Variants in EML6 observed in about 807,000 individuals in gnomAD.
The protein encoded by EML6 is echinoderm microtubule-associated protein-like 6.
EML6 carries 154 observed loss-of-function variants against 240.1 expected under a neutral mutation model. The ratio of observed to expected loss-of-function variants is 0.64; its 90% CI spans 0.56 to 0.73. The LOEUF is 0.73. EML6 is among the 30% of genes least tolerant of loss of function. The probability of loss-of-function intolerance (pLI) is 0.00; values close to 1 mark genes in which losing one functional copy is unlikely to be tolerated. For missense variants in EML6, 2,964 were observed against 2,474.6 expected, an observed-to-expected ratio of 1.20 and a Z score of -4.20; for synonymous variants, 1,148 against 899.0, an observed-to-expected ratio of 1.28 and a Z score of -4.95.
chr2:54,730,262 A>T, intron 2 of EML6, among the ~76,000 whole-genome samples: 1 of 152,250 alleles, frequency 6.6e-6, no homozygotes, highest in East Asian at 1.9e-4. Context: ...AAATTGTGAC[A>T]TGGCTCAAAT....
At chr2:54,921,087 C>G (rs1674225942) in intron 26 of EML6, among the ~76,000 whole-genome samples, 1 of 151,790 alleles carries the variant, frequency 6.6e-6, no homozygotes, top group East Asian at 1.9e-4. Flanking sequence ...AGATAAGGAA[C>G]AAGACAAGGA....
chr2:54,945,816 A>G (rs905410559), intron 28 of EML6, among the ~76,000 whole-genome samples: 3 of 152,210 alleles, frequency 2.0e-5, no homozygotes, highest in Non-Finnish European at 4.4e-5. Flanking sequence ...GACTCCCCAC[A>G]TCTTTAGTTG....
chr2:54,818,431 C>T (rs1264177628), intron 4 of EML6, among the ~76,000 whole-genome samples: 2 of 152,142 alleles, frequency 1.3e-5, no homozygotes, highest in Non-Finnish European at 2.9e-5. Context: ...GGCAGGCTGC[C>T]ATCTATTCAG....
intron 2 of EML6, among the ~76,000 whole-genome samples, chr2:54,792,919 G>A (rs950139437): frequency 7.2e-5 from 11 of 152,124 alleles, no homozygotes; most frequent in Admixed American, 1.3e-4. Flanking sequence ...GCAAAAAAAA[G>A]AAATGATTTT....
intron 5 of EML6, among the ~76,000 whole-genome samples, chr2:54,822,511 AG>A (rs1225953431): frequency 1.3e-5 from 2 of 152,166 alleles, no homozygotes; most frequent in East Asian, 3.8e-4. Context: ...AAACCACTTA[AG>A]TGTCTCTAGG....
chr2:54,850,189 C>T lies in EML6; in HGVS notation c.1415C>T (p.Ala472Val). The part of the protein sequence containing the change: ...DSKYLQTNDG[A>V]GERLFYRMPS... Reference sequence around the variant, plus strand: ...AAATACTTACAAACTAATGACGGTGCAGGAGAACGATTGTTCTACAGAATG... The same window carrying T: ...AAATACTTACAAACTAATGACGGTGTAGGAGAACGATTGTTCTACAGAATG... Residue 472 changes from alanine (A) to valine (V), a missense_variant, in exon 10 of 42, where the codon GCA becomes GTA. Ala to Val is a moderately conservative substitution (Grantham distance 64, BLOSUM62 0). Coordinates refer to ENST00000356458, the MANE Select transcript of EML6 (RefSeq NM_001039753.4). 1 of 1,551,632 alleles carries T rather than the reference C, an allele frequency of 6.4e-7. No homozygotes were observed. Among genetic ancestry groups the T allele is most frequent in the Non-Finnish European group, 8.7e-7 (1 of 1,146,920 alleles).
chr2:54,890,523 A>G (rs1672409556), intron 17 of EML6, among the ~76,000 whole-genome samples: 1 of 152,172 alleles, frequency 6.6e-6, no homozygotes, highest in Non-Finnish European at 1.5e-5. Context: ...TCGAATCAAT[A>G]GAAGACATCC....
At chr2:54,741,917 T>G (rs1683655516) in intron 2 of EML6, among the ~76,000 whole-genome samples, 1 of 152,142 alleles carries the variant, frequency 6.6e-6, no homozygotes, top group South Asian at 2.1e-4. Context: ...CTATAACTAG[T>G]GATGAAGTTT....
At position 54,961,184 on chromosome 2, in the gene EML6, G is replaced by GTTGTTTTTTTTTTGTTTTTTTTTTTT; in HGVS notation, c.4968+852_4968+853insGTTTTTTTTTTGTTTTTTTTTTTTTT. ...GGAGCCTGGAAGTTATCAGGAAGTA[G>GTTGTTTTTTTTTTGTTTTTTTTTTTT]TTTTTTTTTTTTTTTTTTTGAGACG... On this transcript the variant is annotated intron_variant, in intron 35 of 41. Coordinates refer to ENST00000356458, the MANE Select transcript of EML6 (RefSeq NM_001039753.4). Among the ~76,000 whole-genome samples, 2 of 55,424 alleles carry GTTGTTTTTTTTTTGTTTTTTTTTTTT rather than the reference G, an allele frequency of 3.6e-5. 1 individual carries two copies. The highest frequency in any genetic ancestry group is 1.4e-3 in the South Asian group (2 of 1,456). The allele number at this position is 55,424 out of a possible 152,430, so 36.4% of individuals were successfully genotyped here.
chr2:54,831,021 G>A (rs1005332000), intron 7 of EML6, among the ~76,000 whole-genome samples: 3 of 152,080 alleles, frequency 2.0e-5, no homozygotes, highest in South Asian at 2.1e-4. Flanking sequence ...AACTTGATCC[G>A]GAAAAAACAT....
intron 17 of EML6, chr2:54,880,697 C>T (rs1192365038): frequency 6.6e-6 from 1 of 152,208 alleles, no homozygotes; most frequent in East Asian, 1.9e-4. Flanking sequence ...TAGTATTCCT[C>T]ACTGTCATTC....
At chr2:54,828,554 A>G (rs1160722678) in intron 6 of EML6, among the ~76,000 whole-genome samples, 1 of 152,192 alleles carries the variant, frequency 6.6e-6, no homozygotes, top group African/African-American at 2.4e-5. Context: ...AGTTTAAGCA[A>G]CTCTTAGAGC....
chr2:54,951,894 C>T (rs1047563105), intron 30 of EML6, among the ~76,000 whole-genome samples: 2 of 151,856 alleles, frequency 1.3e-5, no homozygotes, highest in Non-Finnish European at 2.9e-5. Context: ...GGTAGCAGTA[C>T]ACACCTTCCT....
intron 26 of EML6, among the ~76,000 whole-genome samples, chr2:54,923,375 A>G (rs868645851): frequency 0.038 from 5,704 of 148,870 alleles, 307 homozygotes; most frequent in African/African-American, 0.12. Flanking sequence ...ACGCACACAC[A>G]CACACACACA....
chr2:54,961,480 C>T lies in EML6; in HGVS notation c.4969-1043C>T, dbSNP rs192279730. On this transcript the variant is annotated intron_variant, in intron 35 of 41. Transcript: ENST00000356458. ...GGGATTACAGGCGTGAGCCATCACA[C>T]CTGGCCAGGAAGCAGATTTTTGTTC... Among the ~76,000 whole-genome samples, 499 of 151,768 alleles carry T rather than the reference C, an allele frequency of 3.3e-3. 2 individuals carry two copies. The highest frequency in any genetic ancestry group is 0.01 in the African/African-American group (425 of 41,384).
At chr2:54,794,952 A>G (rs1314497616) in intron 2 of EML6, among the ~76,000 whole-genome samples, 1 of 152,142 alleles carries the variant, frequency 6.6e-6, no homozygotes, top group East Asian at 1.9e-4. Context: ...TCATTTGTTA[A>G]TTCACTGACC....
intron 17 of EML6, among the ~76,000 whole-genome samples, chr2:54,889,983 C>G (rs1376490274): frequency 6.6e-6 from 1 of 152,216 alleles, no homozygotes; most frequent in African/African-American, 2.4e-5. Context: ...TTGAATAAAT[C>G]TGGGTTTCTC....
intron 26 of EML6, among the ~76,000 whole-genome samples, chr2:54,919,830 A>C (rs939785394): frequency 1.6e-4 from 25 of 152,228 alleles, no homozygotes; most frequent in African/African-American, 5.5e-4. Flanking sequence ...CCAGAGTTCC[A>C]GGGAGGTATA....
chr2:54,825,301 C>T (rs971822290), intron 5 of EML6, among the ~76,000 whole-genome samples: 3 of 152,182 alleles, frequency 2.0e-5, no homozygotes, highest in African/African-American at 7.2e-5. Context: ...TCATTTATGT[C>T]TAATAGTTTG....
Sources: gnomAD v4.1 joint callset for allele counts (sites outside exome capture counted in the v4.1 genomes callset) on GRCh38, gnomAD v4.1.1 for gene constraint, MANE v1.5 for transcripts, NCBI Gene and HGNC (gene_info 2026-07-23, HGNC 2026-07-21) for gene names.